Variants in CLTCL1 observed in about 807,000 individuals in gnomAD.
The protein encoded by CLTCL1 is clathrin heavy chain like 1, also known as clathrin heavy chain 2.
CLTCL1 carries 159 observed loss-of-function variants against 190.0 expected under a neutral mutation model. The observed-to-expected ratio is 0.84, with a 90% CI of 0.74 to 0.95. CLTCL1 has a LOEUF of 0.95. Among genes scored for constraint, CLTCL1 ranks in the 40% least tolerant of loss-of-function variants. The pLI is 0.00. For synonymous variants in CLTCL1, 752 were observed against 769.6 expected (o/e 0.98, Z 0.38); for missense variants, 1,878 against 2,033.4 (o/e 0.92, Z 1.47).
Position 19,231,562 on chromosome 22 carries a change from G to A in CLTCL1, c.1644+914C>T, listed in dbSNP as rs1418513191. Among the ~76,000 whole-genome samples the A allele has an allele frequency of 2.6e-5, 4 of 151,956 alleles. No homozygotes were observed. In the East Asian group the frequency reaches 7.7e-4, roughly 29 times the overall value. On this transcript the variant is annotated intron_variant, in intron 10 of 32. Transcript: ENST00000427926. ...TCATTATATTATTGGGGCACAACTGGGAAAATGCAAATATTTACTTAGACA... is the reference window on the plus strand; with the variant it reads ...TCATTATATTATTGGGGCACAACTGAGAAAATGCAAATATTTACTTAGACA...
At chr22:19,288,961 G>A (rs1555991702) in intron 1 of CLTCL1, among the ~76,000 whole-genome samples, 1 of 152,218 alleles carries the variant, frequency 6.6e-6, no homozygotes, top group African/African-American at 2.4e-5. Context: ...CGTGTGGTGT[G>A]ATGGGCTTTA....
At chr22:19,210,990 C>G (rs901504626) in intron 19 of CLTCL1, among the ~76,000 whole-genome samples, 3 of 152,158 alleles carry the variant, frequency 2.0e-5, no homozygotes, top group Non-Finnish European at 4.4e-5. Flanking sequence ...ACCTTGCCCC[C>G]ACAAAGTGCT....
At chr22:19,189,827 C>T (rs2146235077) in intron 27 of CLTCL1, among the ~76,000 whole-genome samples, 1 of 152,288 alleles carries the variant, frequency 6.6e-6, no homozygotes, top group Admixed American at 6.5e-5. Context: ...TATTTTGATA[C>T]ATATACACAT....
intron 13 of CLTCL1, 54 bp from the exon 14 acceptor site, chr22:19,224,108 C>T (rs1555954369): frequency 2.5e-6 from 4 of 1,588,826 alleles, no homozygotes; most frequent in Middle Eastern, 1.7e-4. Flanking sequence ...CTGTCTCCTC[C>T]GTAGCTGCTG....
At chr22:19,254,338 A>T (rs1489135863) in intron 2 of CLTCL1, 111 bp from the exon 3 acceptor site, 2 of 907,876 alleles carry the variant, frequency 2.2e-6, no homozygotes, top group African/African-American at 3.3e-5. Context: ...TTGTACTGCT[A>T]ATCTGATTAA....
At chr22:19,239,537 T>A in intron 4 of CLTCL1, 149 bp from the exon 5 acceptor site, 1 of 670,140 alleles carries the variant, frequency 1.5e-6, no homozygotes, top group Admixed American at 2.4e-5. Context: ...ACAACCCCCT[T>A]GTCGGAGTGC....
chr22:19,201,213 CAGACCCCTGCCTGGGCAAG>C, intron 23 of CLTCL1, 97 bp downstream of exon 23: 2 of 1,268,550 alleles, frequency 1.6e-6, no homozygotes, highest in Non-Finnish European at 2.1e-6. Context: ...CCCAAGGGTT[CAGACCCCTGCCTGGGCAAG>C]AGACCGGCAC....
intron 22 of CLTCL1, among the ~76,000 whole-genome samples, chr22:19,207,102 C>T (rs1555943191): frequency 6.7e-6 from 1 of 148,526 alleles, no homozygotes; most frequent in African/African-American, 2.5e-5. Flanking sequence ...CTGCAACCTC[C>T]ATCTCCCGGA....
In CLTCL1 at chr22:19,258,687, C is replaced by G. The variant is rs559827742; in HGVS notation, c.251-4460G>C. 169 of 668,670 alleles carry G rather than the reference C, an allele frequency of 2.5e-4. 3 individuals are homozygous for G. Among genetic ancestry groups the G allele is most frequent in the South Asian group, 2.4e-3 (163 of 68,484 alleles). The allele number at this position is 668,670 out of a possible 1,614,324, so 41.4% of individuals were successfully genotyped here. ...GCTGGAAGATGGGGAGGACTTCAATCTTGGTGAGGCCCTAGACAGCAGCAA... is the reference window on the plus strand; with the variant it reads ...GCTGGAAGATGGGGAGGACTTCAATGTTGGTGAGGCCCTAGACAGCAGCAA... On this transcript the variant is annotated intron_variant, in intron 2 of 32. Coordinates refer to ENST00000427926, the MANE Select transcript of CLTCL1 (RefSeq NM_007098.4).
At position 19,276,700 on chromosome 22, in the gene CLTCL1, C is replaced by T. The variant is rs181692593; in HGVS notation, c.43-870G>A. The stretch of plus-strand genomic sequence containing the variant: ...TTATTTATTTTTTGAGCCGGAGTCT[C>T]GCTCTGTTGCCCAGGCTGGAGTGCA... On this transcript the variant is annotated intron_variant, in intron 1 of 32. Transcript: ENST00000427926. 1.9e-3 allele frequency among the ~76,000 whole-genome samples: 284 copies of T among 152,262 alleles called. 2 individuals carry two copies. The highest frequency in any genetic ancestry group is 0.015 in the Admixed American group (226 of 15,278).
chr22:19,194,224 C>T (rs762625347), intron 26 of CLTCL1, among the ~76,000 whole-genome samples: 5 of 152,164 alleles, frequency 3.3e-5, no homozygotes, highest in Non-Finnish European at 5.9e-5. Flanking sequence ...AGTCCCCACC[C>T]GACCCAAGAA....
chr22:19,239,094 T>C (rs1383533529), intron 5 of CLTCL1, among the ~76,000 whole-genome samples, 181 bp downstream of exon 5: 1 of 152,182 alleles, frequency 6.6e-6, no homozygotes, highest in Non-Finnish European at 1.5e-5. Flanking sequence ...CGGGCATTCC[T>C]TTCTACGAAC....
intron 2 of CLTCL1, among the ~76,000 whole-genome samples, chr22:19,262,236 C>G (rs2086972100): frequency 6.6e-6 from 1 of 151,634 alleles, no homozygotes; most frequent in Admixed American, 6.6e-5. Context: ...CCATGTTGGC[C>G]AGGATGGTCT....
At chr22:19,282,696 G>C (rs1311650868) in intron 1 of CLTCL1, among the ~76,000 whole-genome samples, 1 of 151,798 alleles carries the variant, frequency 6.6e-6, no homozygotes, top group Admixed American at 6.6e-5. Context: ...AGTACAATGA[G>C]TGGGGAACTC....
intron 1 of CLTCL1, among the ~76,000 whole-genome samples, chr22:19,290,943 A>G (rs1252400485): frequency 2.0e-5 from 3 of 152,330 alleles, no homozygotes; most frequent in African/African-American, 4.8e-5. Context: ...CGTGGGGACC[A>G]GCACCGCTCC....
chr22:19,251,225 T>C (rs868994206), intron 3 of CLTCL1, among the ~76,000 whole-genome samples: 72 of 151,204 alleles, frequency 4.8e-4, no homozygotes, highest in Middle Eastern at 3.4e-3. Context: ...TTATTCTTTT[T>C]GATGTTATTA....
Position 19,242,955 on chromosome 22 carries a change from C to T in CLTCL1, c.520-19G>A. 1 of 1,600,656 alleles carries T rather than the reference C, an allele frequency of 6.2e-7. No individual in the cohort carries two copies. The highest frequency in any genetic ancestry group is 8.5e-7 in the Non-Finnish European group (1 of 1,170,984). On this transcript the variant is annotated intron_variant, in intron 3 of 32. Coordinates refer to ENST00000427926, the MANE Select transcript of CLTCL1 (RefSeq NM_007098.4). ...GGTTTTGCTAAGAAAAGATATTATG[C>T]AATGAAAGGGAGAGAAAAGAGAGGA...
In CLTCL1 at chr22:19,199,075, G is replaced by C. The variant is rs901922423; in HGVS notation, c.3873+659C>G. On this transcript the variant is annotated intron_variant, in intron 24 of 32. Transcript: ENST00000427926. ...CAGACAACGTCTCACATAGTGAGGG[G>C]TTTGGGGCTCAATTTCCATGGCCAT... Among the ~76,000 whole-genome samples, 4 of 152,300 alleles carry C rather than the reference G, an allele frequency of 2.6e-5. No individual in the cohort carries two copies. In the East Asian group the frequency reaches 7.7e-4, roughly 29 times the overall value.
intron 22 of CLTCL1, among the ~76,000 whole-genome samples, chr22:19,207,187 T>A (rs575849134): frequency 6.6e-6 from 1 of 152,234 alleles, no homozygotes; most frequent in African/African-American, 2.4e-5. Context: ...TGGATAATTT[T>A]GTTATTTTTA....
Sources: allele counts gnomAD v4.1 joint callset (sites outside exome capture counted in the v4.1 genomes callset), GRCh38; gene constraint gnomAD v4.1.1; transcripts MANE v1.5; gene names NCBI Gene and HGNC (gene_info 2026-07-23, HGNC 2026-07-21).